The following WDR70 variants were observed in gnomAD, a reference collection of about 807,000 sequenced individuals.
The protein encoded by WDR70 is WD repeat-containing protein 70.
WDR70 carries 53 observed loss-of-function variants against 88.6 expected under a neutral mutation model. The ratio of observed to expected loss-of-function variants is 0.60; its 90% confidence interval spans 0.48 to 0.75. The LOEUF (loss-of-function observed/expected upper bound fraction) is 0.75, where lower values mean the gene tolerates loss of function less well. Among genes scored for constraint, WDR70 ranks in the 30% least tolerant of loss-of-function variants. The pLI is 0.00. For missense variants in WDR70, 610 were observed against 823.2 expected (o/e 0.74, Z 3.17); for synonymous variants, 280 against 270.0 (o/e 1.04, Z -0.36).
At chr5:37,731,596 A>AT (rs987707198) in intron 17 of WDR70, among the ~76,000 whole-genome samples, 5 of 151,980 alleles carry the variant, frequency 3.3e-5, no homozygotes, top group South Asian at 4.2e-4. Flanking sequence ...ATTATTAGGG[A>AT]TTTTTTTTAT....
intron 7 of WDR70, among the ~76,000 whole-genome samples, chr5:37,447,755 G>A (rs2112069354): frequency 6.6e-6 from 1 of 152,244 alleles, no homozygotes; most frequent in African/African-American, 2.4e-5. Context: ...CATGGTCACA[G>A]GAAGGGGAAC....
At chr5:37,555,364 C>T (rs1742267320) in intron 9 of WDR70, among the ~76,000 whole-genome samples, 1 of 152,168 alleles carries the variant, frequency 6.6e-6, no homozygotes, top group African/African-American at 2.4e-5. Context: ...ATGAAGTTCT[C>T]AAATGCTTAG....
chr5:37,401,913 A>G (rs1749207255), intron 5 of WDR70, among the ~76,000 whole-genome samples: 1 of 152,172 alleles, frequency 6.6e-6, no homozygotes, highest in Non-Finnish European at 1.5e-5. Context: ...TAAAACACTG[A>G]TCATCTCTTT....
chr5:37,549,995 G>A (rs1169794515), intron 9 of WDR70, among the ~76,000 whole-genome samples: 1 of 151,894 alleles, frequency 6.6e-6, no homozygotes, highest in Non-Finnish European at 1.5e-5. Flanking sequence ...CCAAGTAGCT[G>A]GATTTACAGG....
chr5:37,659,840 C>G (rs1288556033), intron 10 of WDR70, among the ~76,000 whole-genome samples: 2 of 152,132 alleles, frequency 1.3e-5, no homozygotes. Context: ...CTCATCTAAA[C>G]CTAATTACCT....
chr5:37,681,719 A>T (rs1281289936), intron 10 of WDR70, among the ~76,000 whole-genome samples: 1 of 152,136 alleles, frequency 6.6e-6, no homozygotes, highest in Non-Finnish European at 1.5e-5. Context: ...TGTTTATGTC[A>T]TGAATAACAT....
intron 10 of WDR70, among the ~76,000 whole-genome samples, chr5:37,677,954 C>G (rs1166138562): frequency 6.6e-6 from 1 of 152,176 alleles, no homozygotes; most frequent in Non-Finnish European, 1.5e-5. Flanking sequence ...AGTAGCTCTT[C>G]TTGTTGAATT....
chr5:37,525,141 T>TA (rs1297085334), intron 9 of WDR70, among the ~76,000 whole-genome samples: 2 of 152,200 alleles, frequency 1.3e-5, no homozygotes, highest in Non-Finnish European at 2.9e-5. Flanking sequence ...TATAGACATC[T>TA]ACAGAACTCT....
chr5:37,597,463 C>G (rs1247604167), intron 9 of WDR70, among the ~76,000 whole-genome samples: 2 of 152,028 alleles, frequency 1.3e-5, no homozygotes, highest in African/African-American at 4.8e-5. Flanking sequence ...AGGATCTTTC[C>G]ATATACTATT....
intron 10 of WDR70, among the ~76,000 whole-genome samples, chr5:37,684,719 G>A (rs937837965): frequency 6.6e-6 from 1 of 152,202 alleles, no homozygotes; most frequent in Admixed American, 6.5e-5. Flanking sequence ...ATTACACTTG[G>A]ATGGGTGGTG....
chr5:37,646,503 C>A (rs1745243651), intron 10 of WDR70, among the ~76,000 whole-genome samples: 2 of 152,052 alleles, frequency 1.3e-5, no homozygotes, highest in Admixed American at 1.3e-4. Context: ...ATATCCTTTT[C>A]TTTTAAATTG....
intron 13 of WDR70, among the ~76,000 whole-genome samples, chr5:37,703,718 A>G (rs574981831): frequency 4.6e-5 from 7 of 152,352 alleles, no homozygotes; most frequent in African/African-American, 1.4e-4. Flanking sequence ...CTGGAGCCAC[A>G]TGTAATACAA....
At chr5:37,590,894 CAG>C (rs1210691227) in intron 9 of WDR70, among the ~76,000 whole-genome samples, 2 of 151,926 alleles carry the variant, frequency 1.3e-5, no homozygotes, top group South Asian at 2.1e-4. Flanking sequence ...GAACAAAAAT[CAG>C]AGAGAGAAAG....
intron 8 of WDR70, among the ~76,000 whole-genome samples, chr5:37,498,977 T>C (rs1410203029): frequency 6.6e-6 from 1 of 152,202 alleles, no homozygotes; most frequent in Non-Finnish European, 1.5e-5. Context: ...TTTCCGTTGC[T>C]CTGTAGCCTC....
At chr5:37,597,049 A>G (rs1057045390) in intron 9 of WDR70, among the ~76,000 whole-genome samples, 1 of 152,220 alleles carries the variant, frequency 6.6e-6, no homozygotes, top group African/African-American at 2.4e-5. Flanking sequence ...TTATTGCTGA[A>G]TAAAATTTCA....
At chr5:37,493,912 C>A (rs1030501099) in intron 8 of WDR70, among the ~76,000 whole-genome samples, 1 of 151,238 alleles carries the variant, frequency 6.6e-6, no homozygotes, top group African/African-American at 2.4e-5. Context: ...TCTGTCTCCT[C>A]GGTTCTAGCA....
chr5:37,491,503 C>G (rs1406592016), intron 8 of WDR70, among the ~76,000 whole-genome samples: 1 of 152,142 alleles, frequency 6.6e-6, no homozygotes, highest in Non-Finnish European at 1.5e-5. Context: ...AATTACATGA[C>G]TAAGGTGGAG....
At chr5:37,522,494 A>AAT (rs1741128425) in intron 9 of WDR70, among the ~76,000 whole-genome samples, 1 of 149,946 alleles carries the variant, frequency 6.7e-6, no homozygotes, top group Non-Finnish European at 1.5e-5. Context: ...AAAAAAAAAA[A>AAT]GGTGGCAGTT....
intron 8 of WDR70, among the ~76,000 whole-genome samples, chr5:37,499,810 C>T (rs1740351182): frequency 6.6e-6 from 1 of 152,050 alleles, no homozygotes; most frequent in Non-Finnish European, 1.5e-5. Context: ...GTCTTGGCCT[C>T]CCAGAGTGCT....
Sources: gnomAD v4.1 joint callset for allele counts (sites outside exome capture counted in the v4.1 genomes callset) on GRCh38, gnomAD v4.1.1 for gene constraint, MANE v1.5 for transcripts, NCBI Gene and HGNC (gene_info 2026-07-23, HGNC 2026-07-21) for gene names.